Variants in GALNT17 observed in about 807,000 individuals in gnomAD.
The protein encoded by GALNT17 is polypeptide N-acetylgalactosaminyltransferase 17, also known as UDP-GalNAc:polypeptide N-acetylgalactosaminyltransferase-like 3.
Under a neutral mutation model 63.7 loss-of-function variants are expected in GALNT17, and 29 were observed. The ratio of observed to expected loss-of-function variants is 0.46; its 90% CI spans 0.34 to 0.62. The LOEUF (loss-of-function observed/expected upper bound fraction) is 0.62, where lower values mean the gene tolerates loss of function less well. Among genes scored for constraint, GALNT17 ranks in the 20% least tolerant of loss-of-function variants. The probability of loss-of-function intolerance (pLI) is 0.01; values close to 1 mark genes in which losing one functional copy is unlikely to be tolerated. For synonymous variants in GALNT17, 305 were observed against 318.3 expected, an observed-to-expected ratio of 0.96 and a Z score of 0.45; for missense variants, 603 against 799.6, an observed-to-expected ratio of 0.75 and a Z score of 2.97.
chr7:71,205,711 A>G (rs2116378876), intron 1 of GALNT17, among the ~76,000 whole-genome samples: 1 of 152,264 alleles, frequency 6.6e-6, no homozygotes, highest in East Asian at 1.9e-4. Flanking sequence ...ATTCATTGTT[A>G]GTGTATAGAA....
chr7:71,360,568 A>G (rs1218413162), intron 2 of GALNT17, among the ~76,000 whole-genome samples: 1 of 152,248 alleles, frequency 6.6e-6, no homozygotes, highest in African/African-American at 2.4e-5. Context: ...ACTAAATTTC[A>G]GATATCACAT....
intron 3 of GALNT17, among the ~76,000 whole-genome samples, chr7:71,405,736 G>T (rs1793317062): frequency 6.6e-6 from 1 of 152,098 alleles, no homozygotes; most frequent in Non-Finnish European, 1.5e-5. Context: ...GCTCCCTGGG[G>T]CCTCTTTTGT....
chr7:71,387,217 T>G (rs915100238), intron 2 of GALNT17, among the ~76,000 whole-genome samples: 3 of 97,330 alleles, frequency 3.1e-5, no homozygotes, highest in Middle Eastern at 5.0e-3. Context: ...TTGAGGGTTT[T>G]GCCATTACTT....
intron 1 of GALNT17, among the ~76,000 whole-genome samples, chr7:71,199,526 C>T (rs1585876132): frequency 1.3e-5 from 1 of 76,432 alleles, no homozygotes; most frequent in African/African-American, 5.6e-5. Flanking sequence ...ATCCATTCAT[C>T]CATCCATCCA....
chr7:71,148,882 A>ATATATATG (rs1788079793), intron 1 of GALNT17, among the ~76,000 whole-genome samples: 1 of 141,360 alleles, frequency 7.1e-6, no homozygotes, highest in Non-Finnish European at 1.5e-5. Context: ...ATATATATAT[A>ATATATATG]TATATATATA....
intron 5 of GALNT17, among the ~76,000 whole-genome samples, chr7:71,554,083 C>G (rs1361961004): frequency 4.6e-5 from 7 of 152,240 alleles, no homozygotes. Context: ...AAGATATCCA[C>G]CCAGTGGGTA....
At chr7:71,448,887 A>T (rs1408599219) in intron 5 of GALNT17, among the ~76,000 whole-genome samples, 1 of 152,090 alleles carries the variant, frequency 6.6e-6, no homozygotes, top group Non-Finnish European at 1.5e-5. Context: ...TTTAGCTGTT[A>T]TTGGAAGTCA....
chr7:71,356,865 A>T (rs2116210141), intron 2 of GALNT17, among the ~76,000 whole-genome samples: 1 of 152,172 alleles, frequency 6.6e-6, no homozygotes. Flanking sequence ...CACTGCAACC[A>T]CCGCCTTCTG....
intron 1 of GALNT17, among the ~76,000 whole-genome samples, chr7:71,186,970 A>G (rs897116353): frequency 2.6e-5 from 4 of 152,028 alleles, no homozygotes; most frequent in African/African-American, 7.2e-5. Flanking sequence ...CCTTACTTTC[A>G]TCTCCCAGGT....
chr7:71,398,500 G>A (rs1583918624), intron 3 of GALNT17, among the ~76,000 whole-genome samples: 1 of 152,066 alleles, frequency 6.6e-6, no homozygotes, highest in Non-Finnish European at 1.5e-5. Flanking sequence ...GTCCCTGGAG[G>A]ATGTTAATAA....
chr7:71,711,063 C>T, intron 10 of GALNT17, 135 bp downstream of exon 10: 1 of 1,192,998 alleles, frequency 8.4e-7, no homozygotes, highest in Non-Finnish European at 1.1e-6. Context: ...CCGGGCTGGG[C>T]TTGTGGACCC....
chr7:71,356,486 C>T (rs987777110), intron 2 of GALNT17, among the ~76,000 whole-genome samples: 10 of 152,180 alleles, frequency 6.6e-5, no homozygotes, highest in Non-Finnish European at 1.5e-4. Flanking sequence ...AGGCTGTGCC[C>T]ACTCTCAGAG....
At chr7:71,259,423 T>A (rs1414282974) in intron 1 of GALNT17, among the ~76,000 whole-genome samples, 1 of 152,158 alleles carries the variant, frequency 6.6e-6, no homozygotes, top group East Asian at 1.9e-4. Flanking sequence ...CATAGAGAAG[T>A]CGTATCAATT....
At chr7:71,412,177 C>A (rs576877646) in intron 3 of GALNT17, among the ~76,000 whole-genome samples, 1 of 152,152 alleles carries the variant, frequency 6.6e-6, no homozygotes, top group Admixed American at 6.5e-5. Context: ...TGGTGGTGCA[C>A]GCCTTTAGTT....
intron 1 of GALNT17, among the ~76,000 whole-genome samples, chr7:71,176,237 T>C (rs1788636247): frequency 6.6e-6 from 1 of 152,034 alleles, no homozygotes; most frequent in Admixed American, 6.5e-5. Flanking sequence ...AGTCCCCATA[T>C]ACCGCCGCTG....
In GALNT17 at chr7:71,186,286, G is replaced by A. The variant is rs543868052; in HGVS notation, c.238+53246G>A. Among the ~76,000 whole-genome samples, 7 of 152,250 alleles carry A rather than the reference G, an allele frequency of 4.6e-5. No individual in the cohort carries two copies. In the South Asian group the frequency reaches 1.2e-3, roughly 27 times the overall value. On this transcript the variant is annotated intron_variant, in intron 1 of 10. Transcript: ENST00000333538. ...CCTTTATCCTCTCCAAGAGGAGGGG[G>A]AACTCTTATCTACTTGGTTCAGAAG... is the stretch of plus-strand genomic sequence containing the variant.
chr7:71,502,363 TA>T (rs1788194552), intron 5 of GALNT17, among the ~76,000 whole-genome samples: 1 of 152,222 alleles, frequency 6.6e-6, no homozygotes, highest in African/African-American at 2.4e-5. Context: ...GAATCTTTGT[TA>T]TCTCAGCCAA....
chr7:71,259,383 T>C (rs1790341635), intron 1 of GALNT17, among the ~76,000 whole-genome samples: 1 of 152,156 alleles, frequency 6.6e-6, no homozygotes, highest in African/African-American at 2.4e-5. Context: ...AGAGAAATGG[T>C]TTAAGAAATT....
chr7:71,147,183 A>AG (rs1197611592), intron 1 of GALNT17, among the ~76,000 whole-genome samples: 1 of 152,108 alleles, frequency 6.6e-6, no homozygotes, highest in East Asian at 1.9e-4. Context: ...GTATTTAGTC[A>AG]GGGTTCTTTA....
Sources: gnomAD v4.1 joint callset for allele counts (sites outside exome capture counted in the v4.1 genomes callset) on GRCh38, gnomAD v4.1.1 for gene constraint, MANE v1.5 for transcripts, NCBI Gene and HGNC (gene_info 2026-07-23, HGNC 2026-07-21) for gene names.